The following MEP1A variants were observed in gnomAD, a reference collection of about 807,000 sequenced individuals.
MEP1A encodes meprin A subunit alpha, also known as N-benzoyl-L-tyrosyl-P-amino-benzoic acid hydrolase subunit alpha.
A neutral mutation model predicts 84.5 loss-of-function variants in MEP1A; 68 were observed. The observed-to-expected ratio is 0.80, with a 90% CI of 0.66 to 0.98. The LOEUF (loss-of-function observed/expected upper bound fraction) is 0.98, where lower values mean the gene tolerates loss of function less well. MEP1A is among the 50% of genes least tolerant of loss of function. The probability of loss-of-function intolerance (pLI) is 0.00; values close to 1 mark genes in which losing one functional copy is unlikely to be tolerated. For missense variants in MEP1A, 887 were observed against 919.9 expected, an observed-to-expected ratio of 0.96 and a Z score of 0.46; for synonymous variants, 337 against 336.8, an observed-to-expected ratio of 1.00 and a Z score of -0.01.
intron 10 of MEP1A, among the ~76,000 whole-genome samples, 163 bp downstream of exon 10, chr6:46,829,734 G>A (rs1768036562): frequency 6.6e-6 from 1 of 152,006 alleles, no homozygotes; most frequent in African/African-American, 2.4e-5. Context: ...TATATGGCAT[G>A]TTTTAATTAC....
intron 6 of MEP1A, among the ~76,000 whole-genome samples, chr6:46,816,817 C>G (rs756839523): frequency 3.8e-4 from 58 of 152,126 alleles, no homozygotes; most frequent in Non-Finnish European, 3.5e-4. Flanking sequence ...TAGGCTTTTC[C>G]CCACTTCCTT....
intron 3 of MEP1A, among the ~76,000 whole-genome samples, chr6:46,796,562 C>A (rs1277149406): frequency 3.3e-5 from 5 of 152,222 alleles, no homozygotes; most frequent in Non-Finnish European, 7.3e-5. Flanking sequence ...AGAGAGTCAT[C>A]TCCTTAAGGA....
At chr6:46,818,021 C>CTT (rs1174026032) in intron 6 of MEP1A, among the ~76,000 whole-genome samples, 2 of 152,110 alleles carry the variant, frequency 1.3e-5, no homozygotes, top group Non-Finnish European at 2.9e-5. Context: ...ATTTTTGCAA[C>CTT]TTATGTCTTT....
chr6:46,831,888 G>T (rs750518358), intron 10 of MEP1A, among the ~76,000 whole-genome samples: 1 of 152,112 alleles, frequency 6.6e-6, no homozygotes, highest in Non-Finnish European at 1.5e-5. Context: ...AGAGGTGGTC[G>T]TGTGCCTTCT....
intron 7 of MEP1A, among the ~76,000 whole-genome samples, chr6:46,821,174 C>T (rs1317888462): frequency 6.6e-6 from 1 of 152,152 alleles, no homozygotes; most frequent in Non-Finnish European, 1.5e-5. Context: ...TCAAAATCAC[C>T]TGTGAGGTTT....
chr6:46,833,043 A>C (rs746879699), intron 10 of MEP1A, 31 bp from the exon 11 acceptor site: 1 of 1,282,392 alleles, frequency 7.8e-7, no homozygotes, highest in Non-Finnish European at 1.1e-6. Context: ...TGTTGGTCAC[A>C]GTTCTCACCA....
intron 13 of MEP1A, among the ~76,000 whole-genome samples, chr6:46,837,863 T>C (rs1311041902): frequency 1.3e-5 from 2 of 151,944 alleles, no homozygotes; most frequent in Non-Finnish European, 2.9e-5. Flanking sequence ...GTAAAATCAT[T>C]CAGGATTAGT....
At chr6:46,825,574 T>G (rs1767922950) in intron 8 of MEP1A, 81 bp downstream of exon 8, 2 of 982,128 alleles carry the variant, frequency 2.0e-6, no homozygotes, top group East Asian at 5.2e-5. Flanking sequence ...CTTTACATTT[T>G]CCTTTACTCT....
chr6:46,797,178 A>G (rs891368112), intron 3 of MEP1A, among the ~76,000 whole-genome samples: 8 of 152,200 alleles, frequency 5.3e-5, no homozygotes, highest in Non-Finnish European at 1.2e-4. Flanking sequence ...GGCTTTGCCA[A>G]ATGAGGTCTC....
chr6:46,841,554 G>A (rs1768331444), downstream of MEP1A, among the ~76,000 whole-genome samples: 2 of 152,280 alleles, frequency 1.3e-5, no homozygotes, highest in South Asian at 4.1e-4. Context: ...GGATTTAGAT[G>A]AGCAACATGA....
intron 7 of MEP1A, 79 bp downstream of exon 7, chr6:46,819,783 G>T: frequency 1.4e-6 from 2 of 1,450,468 alleles, no homozygotes; most frequent in South Asian, 2.6e-5. Context: ...AATCTGTGTG[G>T]ACAGGAGCTT....
At position 46,833,401 on chromosome 6, in the gene MEP1A, G is replaced by A; in HGVS notation, c.1472G>A (p.Gly491Glu). Residue 491 changes from glycine to glutamate, a missense_variant, in exon 11 of 14, where the codon GGG becomes GAG. Coordinates refer to ENST00000230588, the MANE Select transcript of MEP1A (RefSeq NM_005588.3). ...AGACTTGCTTTTCATGTGTGCAGTG[G>A]GGAGAACGATGCTATCCTGGAGTGG... ...YLRLAFHVCS[G>E]ENDAILEWPV... 1 of 1,614,170 alleles carries A rather than the reference G, an allele frequency of 6.2e-7. No homozygotes were observed. The highest frequency in any genetic ancestry group is 8.5e-7 in the Non-Finnish European group (1 of 1,180,028).
intron 13 of MEP1A, among the ~76,000 whole-genome samples, chr6:46,836,764 T>G (rs749208379): frequency 4.6e-5 from 7 of 151,658 alleles, no homozygotes; most frequent in Non-Finnish European, 1.0e-4. Context: ...CTTCATTACC[T>G]TGACACTTTC....
chr6:46,811,932 C>T (rs1246870928), intron 6 of MEP1A, among the ~76,000 whole-genome samples: 1 of 151,902 alleles, frequency 6.6e-6, no homozygotes, highest in African/African-American at 2.4e-5. Context: ...CTGTAGTTTT[C>T]TTTGTTTGTT....
chr6:46,835,139 T>C lies in MEP1A; in HGVS notation c.1784-110T>C, dbSNP rs180795996. 4,765 of 949,614 alleles carry C rather than the reference T, an allele frequency of 5.0e-3. 46 individuals are homozygous for C. The highest frequency in any genetic ancestry group is 0.023 in the Middle Eastern group (69 of 3,064). 58.8% of individuals were successfully genotyped at this position (949,614 alleles called of 1,614,324 possible). ...ATTCAAAGCCACTTTTCCATGTCAC[T>C]AGGGGTGATGGGAGATAGAAGCAGG... On this transcript the variant is annotated intron_variant, in intron 12 of 13. Transcript: ENST00000230588.
At chr6:46,795,381 A>T (rs1200662586) in intron 3 of MEP1A, among the ~76,000 whole-genome samples, 1 of 151,802 alleles carries the variant, frequency 6.6e-6, no homozygotes, top group Non-Finnish European at 1.5e-5. Flanking sequence ...GCTCACTGCA[A>T]CCTCCGCCTC....
At chr6:46,809,641 G>A (rs530865963) in intron 6 of MEP1A, 104 bp downstream of exon 6, 53 of 654,964 alleles carry the variant, frequency 8.1e-5, no homozygotes, top group African/African-American at 5.1e-4. Flanking sequence ...TTTTGTCTTT[G>A]CGTCCTCATA....
At chr6:46,836,286 C>A (rs1768216445) in intron 13 of MEP1A, among the ~76,000 whole-genome samples, 1 of 152,176 alleles carries the variant, frequency 6.6e-6, no homozygotes, top group African/African-American at 2.4e-5. Context: ...TTGCATAAAA[C>A]CCTAAAAACT....
chr6:46,821,666 A>G (rs1767779110), intron 7 of MEP1A, among the ~76,000 whole-genome samples: 2 of 152,206 alleles, frequency 1.3e-5, no homozygotes, highest in Non-Finnish European at 2.9e-5. Flanking sequence ...CAAGTCTTAT[A>G]GAATACAATA....
Sources: allele counts gnomAD v4.1 joint callset (sites outside exome capture counted in the v4.1 genomes callset), GRCh38; gene constraint gnomAD v4.1.1; transcripts MANE v1.5; gene names NCBI Gene and HGNC (gene_info 2026-07-23, HGNC 2026-07-21).